The following CSMD1 variants were observed in gnomAD, a reference collection of about 807,000 sequenced individuals.
CSMD1 encodes the protein CUB and sushi domain-containing protein 1.
In CSMD1, 213 loss-of-function variants were observed where a neutral mutation model predicts 417.5. The ratio of observed to expected loss-of-function variants is 0.51; its 90% CI spans 0.46 to 0.57. The LOEUF (loss-of-function observed/expected upper bound fraction) is 0.57, where lower values mean the gene tolerates loss of function less well. Ranked by LOEUF, CSMD1 falls within the 20% of genes least tolerant of loss-of-function variation. The pLI is 0.00. For missense variants in CSMD1, 6,923 were observed against 4,529.7 expected, an observed-to-expected ratio of 1.53 and a Z score of -15.17; for synonymous variants, 2,862 against 1,736.8, an observed-to-expected ratio of 1.65 and a Z score of -16.11.
At chr8:3,464,688 A>G (rs1742486000) in intron 12 of CSMD1, among the ~76,000 whole-genome samples, 1 of 151,546 alleles carries the variant, frequency 6.6e-6, no homozygotes, top group Non-Finnish European at 1.5e-5. Flanking sequence ...ATTTGTTTTA[A>G]AAATATATAC....
intron 5 of CSMD1, among the ~76,000 whole-genome samples, chr8:3,984,079 C>G (rs1181928715): frequency 2.7e-5 from 1 of 37,636 alleles, no homozygotes; most frequent in Non-Finnish European, 5.8e-5. Flanking sequence ...TAGAGCACAC[C>G]ACAGATCTAA....
chr8:3,028,848 C>G (rs1047292703), intron 51 of CSMD1, among the ~76,000 whole-genome samples: 1 of 152,118 alleles, frequency 6.6e-6, no homozygotes, highest in South Asian at 2.1e-4. Context: ...TTCTATTTCA[C>G]CATATTTAAT....
At chr8:4,568,719 T>C (rs1798738467) in intron 2 of CSMD1, among the ~76,000 whole-genome samples, 1 of 152,188 alleles carries the variant, frequency 6.6e-6, no homozygotes, top group South Asian at 2.1e-4. Flanking sequence ...ATGGTTGAAC[T>C]AATTTACACT....
At chr8:4,644,523 C>T (rs923991840) in intron 1 of CSMD1, among the ~76,000 whole-genome samples, 1 of 152,186 alleles carries the variant, frequency 6.6e-6, no homozygotes, top group East Asian at 1.9e-4. Flanking sequence ...CCTCCCGCCT[C>T]AACCTCCAGA....
chr8:4,580,988 C>G (rs1475362744), intron 2 of CSMD1, among the ~76,000 whole-genome samples: 1 of 152,154 alleles, frequency 6.6e-6, no homozygotes, highest in Non-Finnish European at 1.5e-5. Flanking sequence ...AGTCCTTATT[C>G]CAGTGCCTCA....
intron 49 of CSMD1, among the ~76,000 whole-genome samples, chr8:3,071,736 C>A (rs1225078762): frequency 6.6e-6 from 1 of 152,168 alleles, no homozygotes; most frequent in Non-Finnish European, 1.5e-5. Context: ...CACTAATTCA[C>A]CTGACATCAA....
At chr8:4,662,696 A>G (rs2130924439) in intron 1 of CSMD1, among the ~76,000 whole-genome samples, 1 of 152,226 alleles carries the variant, frequency 6.6e-6, no homozygotes, top group African/African-American at 2.4e-5. Flanking sequence ...GCATTTGTAC[A>G]CTGCACTTTC....
chr8:4,945,683 C>G (rs1421798700), intron 1 of CSMD1, among the ~76,000 whole-genome samples: 7 of 151,998 alleles, frequency 4.6e-5, no homozygotes, highest in Admixed American at 4.6e-4. Context: ...TTCAAGAGAA[C>G]TTGGCATTAA....
chr8:4,752,170 T>C (rs1302922814), intron 1 of CSMD1, among the ~76,000 whole-genome samples: 1 of 152,076 alleles, frequency 6.6e-6, no homozygotes, highest in African/African-American at 2.4e-5. Context: ...CCTTACCACT[T>C]CTCTAGGAAG....
At chr8:3,286,775 A>C (rs1287645543) in intron 25 of CSMD1, among the ~76,000 whole-genome samples, 3 of 152,018 alleles carry the variant, frequency 2.0e-5, no homozygotes, top group Non-Finnish European at 4.4e-5. Flanking sequence ...CTGTAGGTTG[A>C]GTGTTGACTC....
intron 36 of CSMD1, among the ~76,000 whole-genome samples, chr8:3,186,513 T>C (rs1428586747): frequency 1.3e-5 from 2 of 152,196 alleles, no homozygotes; most frequent in Non-Finnish European, 2.9e-5. Context: ...AATATGGTTT[T>C]ATTTGCTGAG....
At chr8:4,056,454 T>C (rs965528989) in intron 3 of CSMD1, among the ~76,000 whole-genome samples, 1 of 151,980 alleles carries the variant, frequency 6.6e-6, no homozygotes, top group African/African-American at 2.4e-5. Flanking sequence ...TTATTTATGA[T>C]ATTAAAATAC....
At chr8:3,911,852 C>G (rs914648028) in intron 5 of CSMD1, among the ~76,000 whole-genome samples, 6 of 152,162 alleles carry the variant, frequency 3.9e-5, no homozygotes, top group Non-Finnish European at 7.3e-5. Context: ...ACAAAAGATT[C>G]TCCTTCCCAT....
At chr8:3,006,649 C>T (rs1482591391) in intron 52 of CSMD1, among the ~76,000 whole-genome samples, 16 of 149,734 alleles carry the variant, frequency 1.1e-4, no homozygotes, top group Admixed American at 2.6e-4. Flanking sequence ...CTTTGACAAA[C>T]CTGAGAAAAA....
At chr8:4,993,828 G>C (rs1811608600) in intron 1 of CSMD1, among the ~76,000 whole-genome samples, 2 of 152,176 alleles carry the variant, frequency 1.3e-5, no homozygotes, top group South Asian at 4.1e-4. Context: ...GGTGCGAGGA[G>C]GCCGGGCCGG....
intron 5 of CSMD1, among the ~76,000 whole-genome samples, chr8:3,912,259 TA>T (rs1327829844): frequency 1.3e-5 from 2 of 152,226 alleles, no homozygotes; most frequent in East Asian, 3.8e-4. Context: ...GAAATATCAC[TA>T]ATTATTCAAA....
intron 23 of CSMD1, among the ~76,000 whole-genome samples, chr8:3,317,398 A>C (rs1024647527): frequency 6.6e-6 from 1 of 152,232 alleles, no homozygotes; most frequent in African/African-American, 2.4e-5. Flanking sequence ...AGCTATAGGC[A>C]TAGACAGTAT....
chr8:3,893,456 G>C (rs1271746020), intron 5 of CSMD1, among the ~76,000 whole-genome samples: 1 of 149,814 alleles, frequency 6.7e-6, no homozygotes, highest in South Asian at 2.1e-4. Context: ...CAGTATGATA[G>C]CTTTTGCAAA....
At chr8:3,028,444 A>C (rs1408906271) in intron 51 of CSMD1, among the ~76,000 whole-genome samples, 1 of 152,206 alleles carries the variant, frequency 6.6e-6, no homozygotes, top group Non-Finnish European at 1.5e-5. Flanking sequence ...GCAATCACTA[A>C]TAAACACCTG....
Sources: gnomAD v4.1 joint callset for allele counts (sites outside exome capture counted in the v4.1 genomes callset) on GRCh38, gnomAD v4.1.1 for gene constraint, MANE v1.5 for transcripts, NCBI Gene and HGNC (gene_info 2026-07-23, HGNC 2026-07-21) for gene names.